ATG10: variants seen among roughly 807,000 people sequenced by gnomAD.
ATG10 encodes autophagy related 10, also known as ubiquitin-like-conjugating enzyme ATG10.
A neutral mutation model predicts 32.1 loss-of-function variants in ATG10; 30 were observed. The ratio of observed to expected loss-of-function variants is 0.94; its 90% confidence interval spans 0.70 to 1.27. The LOEUF (loss-of-function observed/expected upper bound fraction) is 1.27, where lower values mean the gene tolerates loss of function less well. Ranked by LOEUF, ATG10 falls within the 50% of genes most tolerant of loss-of-function variation. The pLI is 0.00. For synonymous variants in ATG10, 87 were observed against 91.5 expected, an observed-to-expected ratio of 0.95 and a Z score of 0.28; for missense variants, 233 against 262.3, an observed-to-expected ratio of 0.89 and a Z score of 0.77.
At chr5:82,041,939 A>G (rs1251277182) in intron 2 of ATG10, among the ~76,000 whole-genome samples, 7 of 151,582 alleles carry the variant, frequency 4.6e-5, no homozygotes, top group Admixed American at 4.6e-4. Flanking sequence ...TTTTATCTTT[A>G]GAAGTTTGAT....
At chr5:82,221,211 C>T (rs1745912796) in intron 5 of ATG10, among the ~76,000 whole-genome samples, 1 of 152,144 alleles carries the variant, frequency 6.6e-6, no homozygotes, top group Non-Finnish European at 1.5e-5. Flanking sequence ...GATGCAATAC[C>T]TCTGCATTTC....
At chr5:82,225,800 G>A (rs1488137416) in intron 5 of ATG10, among the ~76,000 whole-genome samples, 1 of 152,166 alleles carries the variant, frequency 6.6e-6, no homozygotes. Flanking sequence ...GAGGGAACGG[G>A]AATACTTGAC....
chr5:81,985,708 AGACT>A (rs1761244016), intron 1 of ATG10, among the ~76,000 whole-genome samples: 1 of 152,180 alleles, frequency 6.6e-6, no homozygotes, highest in African/African-American at 2.4e-5. Context: ...TTTCTTAGAG[AGACT>A]GACTTTTATC....
At chr5:82,055,849 A>G (rs1428691007) in intron 2 of ATG10, among the ~76,000 whole-genome samples, 1 of 152,196 alleles carries the variant, frequency 6.6e-6, no homozygotes. Context: ...CTTTGTTTAG[A>G]TATGCTTAGA....
intron 2 of ATG10, 55 bp downstream of exon 2, chr5:81,987,733 T>C: frequency 7.1e-7 from 1 of 1,412,064 alleles, no homozygotes; most frequent in Non-Finnish European, 9.8e-7. Flanking sequence ...TGTTTTGTTT[T>C]GTTTTGGTTT....
intron 5 of ATG10, among the ~76,000 whole-genome samples, chr5:82,193,137 C>A (rs1427681147): frequency 1.3e-5 from 2 of 152,166 alleles, no homozygotes; most frequent in Non-Finnish European, 2.9e-5. Context: ...CCCAACCGTG[C>A]CATTAGCAGT....
chr5:82,082,616 A>C (rs1230087240), intron 3 of ATG10, among the ~76,000 whole-genome samples: 1 of 151,862 alleles, frequency 6.6e-6, no homozygotes, highest in Non-Finnish European at 1.5e-5. Flanking sequence ...CTACAAATAC[A>C]TTGACACTAA....
At chr5:82,176,513 CTATT>C (rs1277770783) in intron 4 of ATG10, among the ~76,000 whole-genome samples, 1 of 152,080 alleles carries the variant, frequency 6.6e-6, no homozygotes, top group Non-Finnish European at 1.5e-5. Context: ...GATTAGTTTA[CTATT>C]TGACACTAAA....
chr5:82,007,371 A>G (rs560612581), intron 2 of ATG10, among the ~76,000 whole-genome samples: 11 of 152,328 alleles, frequency 7.2e-5, no homozygotes, highest in Non-Finnish European at 1.6e-4. Context: ...AGTAGTTTTC[A>G]CCATGTCTCA....
At chr5:82,121,394 CA>C (rs1766033616) in intron 3 of ATG10, among the ~76,000 whole-genome samples, 1 of 152,206 alleles carries the variant, frequency 6.6e-6, no homozygotes, top group Admixed American at 6.5e-5. Context: ...TACAGAATCA[CA>C]TTGCCTACAA....
At chr5:82,121,659 G>A (rs535576474) in intron 3 of ATG10, among the ~76,000 whole-genome samples, 1 of 152,248 alleles carries the variant, frequency 6.6e-6, no homozygotes, top group Admixed American at 6.5e-5. Flanking sequence ...TTTATTGATA[G>A]TTTTAAACAT....
chr5:82,236,999 T>C lies in ATG10; in HGVS notation c.454-15563T>C, dbSNP rs575990378. Reference sequence around the variant, plus strand: ...GAACTGGTATTTCTTCTTTCCCCCCTTTTTTTCCCCTTTTTTAAAACTATA... The same window carrying C: ...GAACTGGTATTTCTTCTTTCCCCCCCTTTTTTCCCCTTTTTTAAAACTATA... On this transcript the variant is annotated intron_variant, in intron 5 of 7. Coordinates refer to ENST00000282185, the MANE Select transcript of ATG10 (RefSeq NM_031482.5). Among the ~76,000 whole-genome samples, 44 of 152,168 alleles carry C rather than the reference T, an allele frequency of 2.9e-4. No homozygotes were observed. The South Asian group carries it at 4.8e-3, about 17-fold the overall frequency.
At position 82,005,363 on chromosome 5, in the gene ATG10, CG is replaced by C. The variant is rs1761963441; in HGVS notation, c.108+17687del. Reference sequence around the variant, plus strand: ...AGGCTGGAGTGCAGTGGCACTGTGTCGGCTCACTGCAACCTCTGTCTCCTAG... The same window carrying C: ...AGGCTGGAGTGCAGTGGCACTGTGTCGCTCACTGCAACCTCTGTCTCCTAG... On this transcript the variant is annotated intron_variant, in intron 2 of 7. Coordinates refer to ENST00000282185, the MANE Select transcript of ATG10 (RefSeq NM_031482.5). 7.2e-5 allele frequency among the ~76,000 whole-genome samples: 11 copies of C among 152,280 alleles called. No individual in the cohort carries two copies. The South Asian group carries it at 2.3e-3, about 32-fold the overall frequency.
At chr5:82,114,907 C>A (rs769208157) in intron 3 of ATG10, among the ~76,000 whole-genome samples, 1 of 151,984 alleles carries the variant, frequency 6.6e-6, no homozygotes, top group African/African-American at 2.4e-5. Context: ...TTTTACAGTA[C>A]AATATGATCG....
chr5:82,138,876 CCCCTCTCCCTCT>C (rs745369347), intron 3 of ATG10, among the ~76,000 whole-genome samples: 2 of 71,528 alleles, frequency 2.8e-5, no homozygotes, highest in African/African-American at 1.2e-4. Flanking sequence ...CCTCCCCCTC[CCCCTCTCCCTCT>C]CCCTCTCATG....
At chr5:82,027,058 CAG>C (rs1458803900) in intron 2 of ATG10, among the ~76,000 whole-genome samples, 3 of 144,696 alleles carry the variant, frequency 2.1e-5, no homozygotes, top group African/African-American at 7.6e-5. Flanking sequence ...GACTCCATCT[CAG>C]AAAAATGAAT....
intron 3 of ATG10, among the ~76,000 whole-genome samples, chr5:82,139,455 G>C (rs1489547426): frequency 7.2e-6 from 1 of 137,982 alleles, no homozygotes; most frequent in Admixed American, 7.0e-5. Flanking sequence ...CTGCCCGGCC[G>C]CCCATCGTCT....
At chr5:82,031,592 GA>G (rs1200306884) in intron 2 of ATG10, among the ~76,000 whole-genome samples, 1 of 152,198 alleles carries the variant, frequency 6.6e-6, no homozygotes, top group Non-Finnish European at 1.5e-5. Context: ...ATTATAATGT[GA>G]AAAAACACAT....
intron 2 of ATG10, among the ~76,000 whole-genome samples, chr5:82,011,408 TA>T (rs1762123702): frequency 6.6e-6 from 1 of 152,210 alleles, no homozygotes; most frequent in Non-Finnish European, 1.5e-5. Context: ...TCTTTGTCTC[TA>T]ATCTTGCCCT....
Sources: gnomAD v4.1 joint callset for allele counts (sites outside exome capture counted in the v4.1 genomes callset) on GRCh38, gnomAD v4.1.1 for gene constraint, MANE v1.5 for transcripts, NCBI Gene and HGNC (gene_info 2026-07-23, HGNC 2026-07-21) for gene names.